The following LPAR1 variants were observed in gnomAD, a reference collection of about 807,000 sequenced individuals.
The protein encoded by LPAR1 is lysophosphatidic acid receptor 1.
Under a neutral mutation model 23.8 loss-of-function variants are expected in LPAR1, and 5 were observed. The ratio of observed to expected loss-of-function variants is 0.21; its 90% CI spans 0.11 to 0.44. The LOEUF (loss-of-function observed/expected upper bound fraction) is 0.44, where lower values mean the gene tolerates loss of function less well. Among genes scored for constraint, LPAR1 ranks in the 20% least tolerant of loss-of-function variants. The pLI is 0.99. For synonymous variants in LPAR1, 160 were observed against 164.7 expected (o/e 0.97, Z 0.22); for missense variants, 311 against 482.8 (o/e 0.64, Z 3.33).
chr9:110,875,788 T>C lies in LPAR1; in HGVS notation c.794-66A>G, dbSNP rs190849517. On this transcript the variant is annotated intron_variant, in intron 5 of 5. Coordinates refer to ENST00000683809, the MANE Select transcript of LPAR1 (RefSeq NM_001351411.2). ...GAGAATGAAAAAATATTATAAAACA[T>C]GCGACCATAAAGTGAAATGATTTCA... is the stretch of plus-strand genomic sequence containing the variant. The C allele has an allele frequency of 3.1e-3, 2,686 of 864,610 alleles. 47 individuals carry two copies. The highest frequency in any genetic ancestry group is 6.6e-4 in the East Asian group (24 of 36,418). 53.6% of individuals were successfully genotyped at this position (864,610 alleles called of 1,614,324 possible).
chr9:110,989,203 G>A (rs950765329), intron 2 of LPAR1, among the ~76,000 whole-genome samples: 1 of 152,100 alleles, frequency 6.6e-6, no homozygotes, highest in African/African-American at 2.4e-5. Flanking sequence ...CTTGATTGGA[G>A]TGATGATTGC....
At chr9:110,961,874 G>T (rs1488041058) in intron 4 of LPAR1, among the ~76,000 whole-genome samples, 1 of 152,092 alleles carries the variant, frequency 6.6e-6, no homozygotes, top group African/African-American at 2.4e-5. Flanking sequence ...CTCCCACCAG[G>T]TCCCTCCCAC....
intron 2 of LPAR1, among the ~76,000 whole-genome samples, chr9:111,003,052 G>A (rs937908788): frequency 1.3e-5 from 2 of 152,108 alleles, no homozygotes; most frequent in African/African-American, 4.8e-5. Flanking sequence ...GAAATTCTGG[G>A]AATCCAGGCA....
chr9:110,984,257 C>T (rs1257200969), intron 2 of LPAR1, among the ~76,000 whole-genome samples: 5 of 152,052 alleles, frequency 3.3e-5, no homozygotes, highest in East Asian at 1.9e-4. Flanking sequence ...CCTAGCCCCT[C>T]GTAACTATCC....
intron 2 of LPAR1, among the ~76,000 whole-genome samples, chr9:110,996,946 T>G (rs1484636778): frequency 6.6e-6 from 1 of 152,226 alleles, no homozygotes; most frequent in Non-Finnish European, 1.5e-5. Context: ...TCCTCTCAGC[T>G]GGAATTCATA....
intron 5 of LPAR1, among the ~76,000 whole-genome samples, chr9:110,921,091 G>A (rs530156636): frequency 2.9e-4 from 44 of 152,094 alleles, no homozygotes; most frequent in African/African-American, 1.0e-3. Context: ...AGCAAGGATC[G>A]CTACTGTACT....
chr9:111,014,389 C>T (rs992707255), intron 2 of LPAR1, among the ~76,000 whole-genome samples: 1 of 152,140 alleles, frequency 6.6e-6, no homozygotes, highest in Non-Finnish European at 1.5e-5. Context: ...CCAGTTTGCA[C>T]ATCCATCATG....
At position 110,892,251 on chromosome 9, in the gene LPAR1, T is replaced by C. The variant is rs148187231; in HGVS notation, c.794-16529A>G. Among the ~76,000 whole-genome samples, 586 of 152,284 alleles carry C rather than the reference T, an allele frequency of 3.8e-3. 21 individuals are homozygous for C. The highest frequency in any genetic ancestry group is 0.034 in the Admixed American group (518 of 15,300). On this transcript the variant is annotated intron_variant, in intron 5 of 5. Transcript: ENST00000683809. ...GCAACAACATGTTATATGTCAATTA[T>C]AGTTCAATAAAGTAGGAAAGAGAGA...
chr9:111,005,779 A>G (rs1406229286), intron 2 of LPAR1, among the ~76,000 whole-genome samples: 1 of 152,068 alleles, frequency 6.6e-6, no homozygotes, highest in Non-Finnish European at 1.5e-5. Flanking sequence ...TCCACTGCCT[A>G]TCCACAAGGT....
rs2095091775 is a variant in LPAR1 at position 110,941,365 on chromosome 9, GT to G, written c.793+55del. ...GTTACCTCTGACATAAAATAATGTG[GT>G]TTATGTTAGTCACTGAGAATCTATA... is the stretch of plus-strand genomic sequence containing the variant. On this transcript the variant is annotated intron_variant, in intron 5 of 5. Coordinates refer to ENST00000683809, the MANE Select transcript of LPAR1 (RefSeq NM_001351411.2). The surrounding 1 kb of genome is among the most constrained non-coding windows in gnomAD (Gnocchi z 6.1). The G allele has an allele frequency of 1.4e-6, 2 of 1,466,642 alleles. No individual in the cohort carries two copies. The highest frequency in any genetic ancestry group is 4.0e-5 in the Admixed American group (2 of 50,546). 90.9% of individuals were successfully genotyped at this position (1,466,642 alleles called of 1,614,324 possible).
intron 5 of LPAR1, among the ~76,000 whole-genome samples, chr9:110,905,349 ATT>A (rs568073138): frequency 4.1e-5 from 6 of 145,138 alleles, no homozygotes; most frequent in Non-Finnish European, 6.0e-5. Flanking sequence ...TTTTTTTATT[ATT>A]TTTTTTTTTT....
intron 5 of LPAR1, among the ~76,000 whole-genome samples, chr9:110,925,851 T>C (rs557609271): frequency 2.0e-5 from 3 of 152,338 alleles, no homozygotes; most frequent in African/African-American, 4.8e-5. Flanking sequence ...TAGATGGGAA[T>C]AGAAGCTCAG....
intron 4 of LPAR1, among the ~76,000 whole-genome samples, chr9:110,943,471 T>A (rs1333170550): frequency 6.6e-6 from 1 of 152,154 alleles, no homozygotes; most frequent in African/African-American, 2.4e-5. Flanking sequence ...AAAGTCTCTT[T>A]CCTTATCTAG....
chr9:110,911,402 G>A (rs1019336864), intron 5 of LPAR1, among the ~76,000 whole-genome samples: 1 of 152,166 alleles, frequency 6.6e-6, no homozygotes, highest in East Asian at 1.9e-4. Flanking sequence ...CAAAAGCCAG[G>A]CATGGTGGTT....
intron 4 of LPAR1, among the ~76,000 whole-genome samples, chr9:110,960,095 G>C (rs866599821): frequency 6.6e-6 from 1 of 152,150 alleles, no homozygotes; most frequent in African/African-American, 2.4e-5. Flanking sequence ...TAGCAGAGTA[G>C]GGTGGCTATA....
intron 4 of LPAR1, among the ~76,000 whole-genome samples, chr9:110,944,471 AG>A (rs2136281494): frequency 6.6e-6 from 1 of 152,342 alleles, no homozygotes; most frequent in African/African-American, 2.4e-5. Context: ...CAAATATAAA[AG>A]TCTGTTCTTT....
intron 5 of LPAR1, among the ~76,000 whole-genome samples, chr9:110,895,121 G>A (rs1351278279): frequency 6.6e-6 from 1 of 152,202 alleles, no homozygotes; most frequent in African/African-American, 2.4e-5. Flanking sequence ...AAGTTTAAAA[G>A]TTTAAATGGT....
intron 2 of LPAR1, among the ~76,000 whole-genome samples, chr9:110,977,868 G>GAAGA: frequency 7.0e-6 from 1 of 142,224 alleles, no homozygotes. Context: ...AGGAAGGAAG[G>GAAGA]AAGGAAGGAA....
At chr9:110,939,416 C>T (rs909235861) in intron 5 of LPAR1, among the ~76,000 whole-genome samples, 11 of 152,132 alleles carry the variant, frequency 7.2e-5, no homozygotes, top group African/African-American at 2.4e-4. Context: ...CGGGGTTTTC[C>T]ATGTTCTGAA....
Sources: allele counts gnomAD v4.1 joint callset (sites outside exome capture counted in the v4.1 genomes callset), GRCh38; gene constraint gnomAD v4.1.1; non-coding constraint Gnocchi (gnomAD v3.1); transcripts MANE v1.5; gene names NCBI Gene and HGNC (gene_info 2026-07-23, HGNC 2026-07-21).